Variants in FAM3C observed in about 807,000 individuals in gnomAD.
FAM3C encodes protein FAM3C.
In FAM3C, 15 loss-of-function variants were observed where a neutral mutation model predicts 32.5. The ratio of observed to expected loss-of-function variants is 0.46; its 90% CI spans 0.31 to 0.71. The LOEUF (loss-of-function observed/expected upper bound fraction) is 0.71. Among genes scored for constraint, FAM3C ranks in the 30% least tolerant of loss-of-function variants. The pLI is 0.05. For missense variants in FAM3C, 175 were observed against 274.4 expected, an observed-to-expected ratio of 0.64 and a Z score of 2.56; for synonymous variants, 75 against 86.1, an observed-to-expected ratio of 0.87 and a Z score of 0.72.
At chr7:121,359,848 T>G (rs1307830207) in intron 8 of FAM3C, among the ~76,000 whole-genome samples, 195 bp downstream of exon 8, 2 of 152,060 alleles carry the variant, frequency 1.3e-5, no homozygotes, top group East Asian at 1.9e-4. Context: ...TGATTCTAAT[T>G]TCATGACAAT....
intron 1 of FAM3C, among the ~76,000 whole-genome samples, chr7:121,388,235 A>AACAC (rs10676450): frequency 0.031 from 4,569 of 147,814 alleles, 182 homozygotes; most frequent in African/African-American, 0.086. Context: ...CCACCATTTT[A>AACAC]ACACACACAC....
rs187362680 is a variant in FAM3C at position 121,352,911 on chromosome 7, T to C, written c.468-1642A>G. Among the ~76,000 whole-genome samples the C allele has an allele frequency of 2.6e-4, 39 of 152,342 alleles. 1 individual carries two copies. Among genetic ancestry groups the C allele is most frequent in the African/African-American group, 8.4e-4 (35 of 41,584 alleles). On this transcript the variant is annotated intron_variant, in intron 8 of 9. Transcript: ENST00000359943. ...CTTATGGAAGTCTACACTTGCATCATCAGCACTAGCGATGAGTTTTGCTGC... is the reference window on the plus strand; with the variant it reads ...CTTATGGAAGTCTACACTTGCATCACCAGCACTAGCGATGAGTTTTGCTGC...
chr7:121,389,669 T>C (rs183315321), intron 1 of FAM3C, among the ~76,000 whole-genome samples: 1 of 151,964 alleles, frequency 6.6e-6, no homozygotes, highest in African/African-American at 2.4e-5. Context: ...ATCCTACCAC[T>C]ACTCAGTACA....
chr7:121,371,573 G>T, intron 4 of FAM3C, 150 bp from the exon 5 acceptor site: 1 of 843,684 alleles, frequency 1.2e-6, no homozygotes, highest in Non-Finnish European at 1.7e-6. Flanking sequence ...TCCCCTGAGG[G>T]TTTCAAAGAA....
intron 5 of FAM3C, among the ~76,000 whole-genome samples, chr7:121,365,608 G>A (rs1408171971): frequency 6.6e-6 from 1 of 151,812 alleles, no homozygotes; most frequent in African/African-American, 2.4e-5. Context: ...CTCATAGGAA[G>A]GCAGGAAAAT....
chr7:121,373,839 G>A (rs1037969531), intron 3 of FAM3C, among the ~76,000 whole-genome samples: 5 of 151,640 alleles, frequency 3.3e-5, no homozygotes, highest in Non-Finnish European at 7.4e-5. Flanking sequence ...TGGCTAACAC[G>A]GTGAAACCCC....
At chr7:121,370,448 A>G (rs541502791) in intron 5 of FAM3C, among the ~76,000 whole-genome samples, 1 of 152,336 alleles carries the variant, frequency 6.6e-6, no homozygotes, top group African/African-American at 2.4e-5. Flanking sequence ...CTATAAAATT[A>G]TCTCTTTATT....
chr7:121,378,898 A>C lies in FAM3C; in HGVS notation c.118+12T>G, dbSNP rs1293569314. The C allele has an allele frequency of 6.4e-6, 9 of 1,404,570 alleles. No individual in the cohort carries two copies. The highest frequency in any genetic ancestry group is 8.9e-6 in the Non-Finnish European group (9 of 1,015,996). The allele number at this position is 1,404,570 out of a possible 1,614,324, so 87.0% of individuals were successfully genotyped here. ...AAAATAAGATTTAAGAAAGGAAAAA[A>C]ATAAAACTTACCAAATAGATTTCCT... On this transcript the variant is annotated intron_variant, in intron 3 of 9. Transcript: ENST00000359943.
chr7:121,362,922 A>C lies in FAM3C; in HGVS notation c.357T>G (p.Thr119=), dbSNP rs777145696. The change falls in exon 7 of 10, where the codon ACT becomes ACG. Residue 119 remains threonine (T), a synonymous_variant. Coordinates refer to ENST00000359943, the MANE Select transcript of FAM3C (RefSeq NM_014888.3). ...ANGKTGEVLD[T]KYFDMWGGDV... ...CTCCTCCCCACATGTCAAAATATTT[A>C]GTGTCTAATACTTCTCCTGTTTTTC... 1.3e-6 allele frequency: 2 copies of C among 1,543,524 alleles called. No individual in the cohort carries two copies. Among genetic ancestry groups the C allele is most frequent in the Non-Finnish European group, 1.8e-6 (2 of 1,121,722 alleles).
chr7:121,392,182 T>C (rs1335722403), intron 1 of FAM3C, among the ~76,000 whole-genome samples: 1 of 152,244 alleles, frequency 6.6e-6, no homozygotes, highest in African/African-American at 2.4e-5. Flanking sequence ...AAGATGCTTC[T>C]ATTGTAAAAT....
chr7:121,375,572 A>G (rs1208876941), intron 3 of FAM3C, among the ~76,000 whole-genome samples: 2 of 152,232 alleles, frequency 1.3e-5, no homozygotes, highest in Non-Finnish European at 2.9e-5. Context: ...GAACATCACT[A>G]TGATGTTCAT....
chr7:121,368,910 C>G (rs1327755370), intron 5 of FAM3C, among the ~76,000 whole-genome samples: 1 of 151,826 alleles, frequency 6.6e-6, no homozygotes, highest in Admixed American at 6.6e-5. Flanking sequence ...GTACTCATCA[C>G]ACCCTGCTGC....
chr7:121,395,387 G>A (rs1794668108), intron 1 of FAM3C, among the ~76,000 whole-genome samples: 1 of 150,874 alleles, frequency 6.6e-6, no homozygotes, highest in African/African-American at 2.4e-5. Flanking sequence ...GTTTCACCAT[G>A]TTGGCCAAAA....
intron 1 of FAM3C, 132 bp from the exon 2 acceptor site, chr7:121,383,142 TAAA>T (rs35702337): frequency 7.0e-4 from 316 of 451,074 alleles, no homozygotes; most frequent in South Asian, 1.4e-3. Context: ...ACATTGGCAT[TAAA>T]AAAAAAAAAA....
At chr7:121,378,021 G>A (rs771278921) in intron 3 of FAM3C, among the ~76,000 whole-genome samples, 1 of 152,150 alleles carries the variant, frequency 6.6e-6, no homozygotes, top group Non-Finnish European at 1.5e-5. Flanking sequence ...ACTTTAATGT[G>A]TCAAAATTAA....
At chr7:121,388,049 TA>T (rs1794497463) in intron 1 of FAM3C, among the ~76,000 whole-genome samples, 1 of 152,112 alleles carries the variant, frequency 6.6e-6, no homozygotes, top group South Asian at 2.1e-4. Flanking sequence ...TATTAACATT[TA>T]AAAACTCAGT....
intron 8 of FAM3C, among the ~76,000 whole-genome samples, chr7:121,358,969 C>A (rs2116882072): frequency 6.7e-6 from 1 of 150,116 alleles, no homozygotes; most frequent in Admixed American, 6.7e-5. Flanking sequence ...AGACAATTTA[C>A]ATAAAAAGGC....
chr7:121,383,761 G>A (rs537732229), intron 1 of FAM3C, among the ~76,000 whole-genome samples: 4 of 152,166 alleles, frequency 2.6e-5, no homozygotes, highest in African/African-American at 9.6e-5. Context: ...CAAAATAGGT[G>A]ACATTTTGAA....
intron 8 of FAM3C, among the ~76,000 whole-genome samples, chr7:121,358,223 T>A (rs3801382): frequency 6.6e-5 from 10 of 151,886 alleles, no homozygotes; most frequent in South Asian, 2.1e-4. Context: ...AAAGTATCAC[T>A]GTTTTCATGT....
Sources: gnomAD v4.1 joint callset for allele counts (sites outside exome capture counted in the v4.1 genomes callset) on GRCh38, gnomAD v4.1.1 for gene constraint, MANE v1.5 for transcripts, NCBI Gene and HGNC (gene_info 2026-07-23, HGNC 2026-07-21) for gene names.